CDH3: variants seen among roughly 807,000 people sequenced by gnomAD.
CDH3 encodes cadherin 3, also known as cadherin-3.
CDH3 carries 54 observed loss-of-function variants against 82.0 expected under a neutral mutation model. The ratio of observed to expected loss-of-function variants is 0.66; its 90% CI spans 0.53 to 0.83. The LOEUF (loss-of-function observed/expected upper bound fraction) is 0.83, where lower values mean the gene tolerates loss of function less well. Among genes scored for constraint, CDH3 ranks in the 40% least tolerant of loss-of-function variants. The probability of loss-of-function intolerance (pLI) is 0.00; values close to 1 mark genes in which losing one functional copy is unlikely to be tolerated. For synonymous variants in CDH3, 446 were observed against 437.9 expected (o/e 1.02, Z -0.23); for missense variants, 1,054 against 1,084.6 (o/e 0.97, Z 0.40).
chr16:68,645,494 C>T, intron 1 of CDH3, 70 bp downstream of exon 1: 3 of 1,550,228 alleles, frequency 1.9e-6, no homozygotes, highest in Non-Finnish European at 2.6e-6. Flanking sequence ...CCGCATGGGG[C>T]AGTGGCGTCG....
chr16:68,684,480 C>G, intron 9 of CDH3, 103 bp from the exon 10 acceptor site: 1 of 1,366,308 alleles, frequency 7.3e-7, no homozygotes, highest in Non-Finnish European at 1.0e-6. Flanking sequence ...GTGAGGGCCT[C>G]AAGCCCCTCA....
chr16:68,653,114 C>T (rs1960296249), intron 2 of CDH3, among the ~76,000 whole-genome samples: 1 of 152,190 alleles, frequency 6.6e-6, no homozygotes, highest in Admixed American at 6.5e-5. Flanking sequence ...GAGGTGTCTT[C>T]TGCATTCTCC....
intron 2 of CDH3, among the ~76,000 whole-genome samples, chr16:68,669,079 G>A (rs183366293): frequency 1.2e-3 from 190 of 152,264 alleles, no homozygotes; most frequent in Admixed American, 2.9e-3. Context: ...TCCAAATTTC[G>A]TATTCTTCAT....
At chr16:68,670,347 C>T (rs1960854131) in intron 2 of CDH3, among the ~76,000 whole-genome samples, 1 of 151,936 alleles carries the variant, frequency 6.6e-6, no homozygotes, top group African/African-American at 2.4e-5. Context: ...CCAAGCTGTT[C>T]GACCTTTGGC....
At chr16:68,657,519 G>T (rs570714848) in intron 2 of CDH3, among the ~76,000 whole-genome samples, 7 of 152,200 alleles carry the variant, frequency 4.6e-5, no homozygotes, top group Non-Finnish European at 1.0e-4. Flanking sequence ...GTCTCAAAAA[G>T]CCAAACGTCT....
chr16:68,703,694 C>T (rs570498116), downstream of CDH3, among the ~76,000 whole-genome samples: 1 of 152,350 alleles, frequency 6.6e-6, no homozygotes, highest in East Asian at 1.9e-4. Flanking sequence ...CACCTGTAAT[C>T]CCAGCACTTT....
downstream of CDH3, among the ~76,000 whole-genome samples, chr16:68,731,049 T>A (rs941385691): frequency 0.025 from 438 of 17,860 alleles, 1 homozygote; most frequent in Non-Finnish European, 0.037. Flanking sequence ...AAAAAAAAAA[T>A]ATATATATAT....
intron 1 of CDH3, among the ~76,000 whole-genome samples, chr16:68,712,137 G>T (rs1313740421): frequency 6.8e-6 from 1 of 146,672 alleles, no homozygotes; most frequent in African/African-American, 2.5e-5. Flanking sequence ...CCCCAGGCTC[G>T]AGCAATCCTC....
At chr16:68,724,995 TGAGAA>T (rs1209728162) in intron 2 of CDH3, among the ~76,000 whole-genome samples, 2 of 152,110 alleles carry the variant, frequency 1.3e-5, no homozygotes, top group Non-Finnish European at 2.9e-5. Flanking sequence ...TCCCTTGCTC[TGAGAA>T]GAGGGTGGGG....
At chr16:68,653,835 G>A (rs973817835) in intron 2 of CDH3, among the ~76,000 whole-genome samples, 1 of 150,070 alleles carries the variant, frequency 6.7e-6, no homozygotes, top group Non-Finnish European at 1.5e-5. Flanking sequence ...GACTACAGGC[G>A]CCCGCAACCA....
chr16:68,726,048 A>C (rs1368034695), intron 2 of CDH3, among the ~76,000 whole-genome samples: 3 of 152,090 alleles, frequency 2.0e-5, no homozygotes, highest in African/African-American at 7.2e-5. Flanking sequence ...TTGTCTCAAA[A>C]AAAAGAAAAG....
intron 2 of CDH3, among the ~76,000 whole-genome samples, chr16:68,659,805 T>G (rs1180788396): frequency 2.2e-4 from 1 of 4,508 alleles, no homozygotes; most frequent in Non-Finnish European, 7.1e-4. Flanking sequence ...TTGTAGACCC[T>G]TTTTTTTTTT....
At chr16:68,731,045 A>ATACATAT (rs1396395240), downstream of CDH3, among the ~76,000 whole-genome samples, 20 of 17,260 alleles carry the variant, frequency 1.2e-3, no homozygotes, top group African/African-American at 2.6e-3. Context: ...AAAAAAAAAA[A>ATACATAT]AAATATATAT....
chr16:68,681,035 C>T lies in CDH3; in HGVS notation c.935C>T (p.Ala312Val), dbSNP rs376990896. The T allele has an allele frequency of 6.2e-7, 1 of 1,613,954 alleles. No homozygotes were observed. The highest frequency in any genetic ancestry group is 1.3e-5 in the African/African-American group (1 of 74,934). The change falls in exon 8 of 16, where the codon GCA (alanine) becomes GTA (valine). Residue 312 changes from alanine (A) to valine (V), a missense_variant. Physicochemically the swap from Ala to Val is moderately conservative, Grantham distance 64. Coordinates refer to ENST00000264012, the MANE Select transcript of CDH3 (RefSeq NM_001793.6). ...DMDGDGSTTT[A>V]VAVVEILDAN... ...GATGGGGACGGCTCCACCACCACGGCAGTGGCAGTAGTGGAGATCCTTGAT... is the reference window on the plus strand; with the variant it reads ...GATGGGGACGGCTCCACCACCACGGTAGTGGCAGTAGTGGAGATCCTTGAT...
At chr16:68,674,188 A>G (rs1381375008) in intron 2 of CDH3, among the ~76,000 whole-genome samples, 1 of 152,158 alleles carries the variant, frequency 6.6e-6, no homozygotes, top group Non-Finnish European at 1.5e-5. Flanking sequence ...TATCCTTGCC[A>G]ACACTTGTTG....
At chr16:68,702,477 C>A (rs1386140922), downstream of CDH3, among the ~76,000 whole-genome samples, 1 of 152,064 alleles carries the variant, frequency 6.6e-6, no homozygotes, top group African/African-American at 2.4e-5. Context: ...GGATGACTGG[C>A]CCTTGAAAGC....
chr16:68,699,413 C>A lies in CDH3; in HGVS notation c.*1013C>A. Reference sequence around the variant, plus strand: ...GCAGGACAGTGTGTGACGACTTCCTCTTCTATGCTGGAGGGGTCCCTGTTG... The same window carrying A: ...GCAGGACAGTGTGTGACGACTTCCTATTCTATGCTGGAGGGGTCCCTGTTG... On this transcript the variant is annotated 3_prime_UTR_variant, in exon 16 of 16. Coordinates refer to ENST00000264012, the MANE Select transcript of CDH3 (RefSeq NM_001793.6). 6.6e-6 allele frequency: 1 copy of A among 152,432 alleles called. No homozygotes were observed. The highest frequency in any genetic ancestry group is 1.5e-5 in the Non-Finnish European group (1 of 68,192). 9.4% of individuals were successfully genotyped at this position (152,432 alleles called of 1,614,324 possible).
chr16:68,645,709 C>A lies in CDH3; in HGVS notation c.119C>A (p.Ala40Glu), dbSNP rs749703265. 1.2e-4 allele frequency: 192 copies of A among 1,545,502 alleles called. No homozygotes were observed. Among genetic ancestry groups the A allele is most frequent in the Non-Finnish European group, 1.6e-4 (187 of 1,146,488 alleles). Reference sequence around the variant, plus strand: ...AGGGAGGCTGAAGTGACCTTGGAGGCGGGAGGCGCGGAGCAGGAGCCCGGC... The same window carrying A: ...AGGGAGGCTGAAGTGACCTTGGAGGAGGGAGGCGCGGAGCAGGAGCCCGGC... ...VFREAEVTLE[A>E]GGAEQEPGQA... The change falls in exon 2 of 16, where the codon GCG becomes GAG. Residue 40 changes from alanine to glutamate, a missense_variant. Transcript: ENST00000264012.
intron 2 of CDH3, among the ~76,000 whole-genome samples, chr16:68,663,268 A>G (rs1960644249): frequency 6.8e-6 from 1 of 146,946 alleles, no homozygotes; most frequent in Non-Finnish European, 1.5e-5. Context: ...TCAGTCACCC[A>G]GGCTGGAGTG....
Sources: gnomAD v4.1 joint callset for allele counts (sites outside exome capture counted in the v4.1 genomes callset) on GRCh38, gnomAD v4.1.1 for gene constraint, MANE v1.5 for transcripts, NCBI Gene and HGNC (gene_info 2026-07-23, HGNC 2026-07-21) for gene names.